Variants in SMG1 observed in about 807,000 individuals in gnomAD.
SMG1 encodes serine/threonine-protein kinase SMG1.
In SMG1, 22 loss-of-function variants were observed where a neutral mutation model predicts 419.9. The observed-to-expected ratio is 0.05, with a 90% CI of 0.04 to 0.07. The LOEUF is 0.07. Among genes scored for constraint, SMG1 ranks in the 10% least tolerant of loss-of-function variants. SMG1 has a pLI of 1.00. For synonymous variants in SMG1, 1,538 were observed against 1,553.5 expected (o/e 0.99, Z 0.23); for missense variants, 3,185 against 4,342.0 (o/e 0.73, Z 7.49).
chr16:18,891,607 T>C (rs1376962834), intron 4 of SMG1, among the ~76,000 whole-genome samples: 1 of 152,128 alleles, frequency 6.6e-6, no homozygotes, highest in East Asian at 1.9e-4. Context: ...GCTAACTTTG[T>C]CTTTTTAGTA....
At chr16:18,898,624 G>GAGTTTGA (rs1430891633) in intron 1 of SMG1, among the ~76,000 whole-genome samples, 35 of 152,138 alleles carry the variant, frequency 2.3e-4, no homozygotes, top group Non-Finnish European at 4.6e-4. Context: ...TTTTCTGACA[G>GAGTTTGA]AGTTTGAACT....
chr16:18,831,465 G>C (rs1425037441), intron 51 of SMG1, among the ~76,000 whole-genome samples: 5 of 152,104 alleles, frequency 3.3e-5, no homozygotes, highest in Admixed American at 3.3e-4. Flanking sequence ...GATATTAAGA[G>C]AGATAAAATG....
Position 18,912,695 on chromosome 16 carries a change from T to C in SMG1, c.92+13255A>G, listed in dbSNP as rs773065938. Among the ~76,000 whole-genome samples, 25 of 152,110 alleles carry C rather than the reference T, an allele frequency of 1.6e-4. 1 individual carries two copies. The highest frequency in any genetic ancestry group is 3.1e-4 in the Non-Finnish European group (21 of 68,020). ...CTATTTGCTATTAAGTGTAAGTTAATTTATAATTTTAGTATTCTCAAAAAA... is the reference window on the plus strand; with the variant it reads ...CTATTTGCTATTAAGTGTAAGTTAACTTATAATTTTAGTATTCTCAAAAAA... On this transcript the variant is annotated intron_variant, in intron 1 of 62. Coordinates refer to ENST00000446231, the MANE Select transcript of SMG1 (RefSeq NM_015092.5).
chr16:18,921,872 T>C (rs578003577), intron 1 of SMG1, among the ~76,000 whole-genome samples: 2 of 152,320 alleles, frequency 1.3e-5, no homozygotes, highest in African/African-American at 4.8e-5. Context: ...TTAATCTGTC[T>C]ACAATCTACC....
rs1291203715 is a variant in SMG1, at chr16:18,809,300, G to GTTCA, written c.*268_*269insTGAA. On this transcript the variant is annotated 3_prime_UTR_variant, in exon 63 of 63. Transcript: ENST00000446231. ...CCCGACACGTCTGCTGCTGTTCTGT[G>GTTCA]GCAGAAAGACAATCTCCGTGTTCAG... is the stretch of plus-strand genomic sequence containing the variant. 8.9e-6 allele frequency: 4 copies of GTTCA among 450,996 alleles called. No individual in the cohort carries two copies. The East Asian group carries it at 1.5e-4, about 17-fold the overall frequency. 27.9% of individuals were successfully genotyped at this position (450,996 alleles called of 1,614,324 possible).
intron 60 of SMG1, among the ~76,000 whole-genome samples, chr16:18,812,836 C>G (rs1331918799): frequency 1.3e-5 from 2 of 152,070 alleles, no homozygotes; most frequent in African/African-American, 4.8e-5. Context: ...CCACCCACAA[C>G]AAGCCCCGGT....
Position 18,879,560 on chromosome 16 carries a change from G to C in SMG1, c.1453C>G (p.Gln485Glu). Residue 485 changes from glutamine (Q) to glutamate (E), a missense_variant, in exon 11 of 63, where the codon CAA (glutamine) becomes GAA (glutamate). Gln to Glu is a conservative substitution (Grantham distance 29). This residue lies in a region of SMG1 where 297 missense variants were observed against 491.0 expected (regional missense o/e 0.60). Transcript: ENST00000446231. The part of the protein sequence containing the change: ...CDMVITYGLD[Q>E]LENCQTCGTD... ...CCACAAGTCTGGCAATTCTCCAGTT[G>C]GTCTAATCCATATGTAATGACCATG... The C allele has an allele frequency of 7.8e-7, 1 of 1,279,622 alleles. No homozygotes were observed. 79.3% of individuals were successfully genotyped at this position (1,279,622 alleles called of 1,614,324 possible).
In SMG1 at chr16:18,853,598, C is replaced by T. The variant is rs377705751; in HGVS notation, c.4753G>A (p.Glu1585Lys). ...NTMEEEYPRI[E>K]SESTVHIGVG... ...GCAACTCTACCTGTAGATTCACTCT[C>T]GATCCGAGGATACTCTTCTTCCATC... Residue 1585 changes from glutamate (E) to lysine (K), a missense_variant, in exon 31 of 63, where the codon GAG becomes AAG. By Grantham distance (56) the Glu-to-Lys change is moderately conservative. Transcript: ENST00000446231. 11 of 1,598,374 alleles carry T rather than the reference C, an allele frequency of 6.9e-6. No individual in the cohort carries two copies. The South Asian group carries it at 1.2e-4, about 18-fold the overall frequency.
At chr16:18,868,094 A>C in intron 22 of SMG1, 96 bp downstream of exon 22, 4 of 867,274 alleles carry the variant, frequency 4.6e-6, no homozygotes, top group South Asian at 4.6e-5. Flanking sequence ...TCCAAGCTTT[A>C]ACTTATTTTA....
At chr16:18,844,076 A>G (rs1378012388) in intron 39 of SMG1, among the ~76,000 whole-genome samples, 1 of 151,556 alleles carries the variant, frequency 6.6e-6, no homozygotes, top group Non-Finnish European at 1.5e-5. Context: ...TCCTCTTCTG[A>G]TTTTCTAATT....
Position 18,854,750 on chromosome 16 carries a change from G to A in SMG1, c.4389C>T (p.Val1463=). 1 of 1,613,862 alleles carries A rather than the reference G, an allele frequency of 6.2e-7. No homozygotes were observed. The highest frequency in any genetic ancestry group is 8.5e-7 in the Non-Finnish European group (1 of 1,179,858). The change falls in exon 30 of 63, where the codon GTC becomes GTT. Residue 1463 remains valine, a synonymous_variant. Coordinates refer to ENST00000446231, the MANE Select transcript of SMG1 (RefSeq NM_015092.5). ...GGGTTGATAGTTTTTTAAAATGTTG[G>A]ACTAAATCCTGTGCAGTGGTGGTCT... ...LGKTTTAQDL[V]QHFKKLSTQG...
At chr16:18,900,741 ACT>A (rs1396358058) in intron 1 of SMG1, among the ~76,000 whole-genome samples, 1 of 152,228 alleles carries the variant, frequency 6.6e-6, no homozygotes, top group Non-Finnish European at 1.5e-5. Flanking sequence ...GTAGGAATGT[ACT>A]TATTCTCTAA....
intron 36 of SMG1, among the ~76,000 whole-genome samples, chr16:18,848,534 G>A (rs1407513193): frequency 6.6e-6 from 1 of 151,888 alleles, no homozygotes; most frequent in African/African-American, 2.4e-5. Flanking sequence ...TCAAACTCCT[G>A]GCCTCAAATG....
intron 55 of SMG1, among the ~76,000 whole-genome samples, chr16:18,821,500 C>T (rs1254079950): frequency 2.6e-4 from 3 of 11,668 alleles, no homozygotes; most frequent in African/African-American, 3.0e-4. Context: ...TGAGAATATG[C>T]GGTGTTTGGT....
intron 1 of SMG1, among the ~76,000 whole-genome samples, chr16:18,903,934 CTT>C (rs71141091): frequency 1.1e-3 from 107 of 99,844 alleles, no homozygotes; most frequent in African/African-American, 3.2e-3. Context: ...TATGTCTTGT[CTT>C]TTTTTTTTTT....
rs536095490 is a variant in SMG1 at position 18,889,723 on chromosome 16, T to A, written c.609-138A>T. 2.3e-5 allele frequency: 15 copies of A among 641,154 alleles called. No homozygotes were observed. The Admixed American group carries it at 2.6e-4, about 11-fold the overall frequency. 39.7% of individuals were successfully genotyped at this position (641,154 alleles called of 1,614,324 possible). On this transcript the variant is annotated intron_variant, in intron 5 of 62. Coordinates refer to ENST00000446231, the MANE Select transcript of SMG1 (RefSeq NM_015092.5). ...ATTCAAACTACATAAAAGGTTGAAA[T>A]TTTCTCCACTCTAAATACTACAGTC...
chr16:18,837,155 G>C (rs1278072893), intron 46 of SMG1, 98 bp downstream of exon 46: 2 of 1,140,380 alleles, frequency 1.8e-6, no homozygotes, highest in Non-Finnish European at 2.4e-6. Context: ...TCATTTATGT[G>C]ATTTGTTACA....
intron 15 of SMG1, among the ~76,000 whole-genome samples, chr16:18,871,848 A>G (rs2035840982): frequency 6.6e-6 from 1 of 151,952 alleles, no homozygotes; most frequent in Non-Finnish European, 1.5e-5. Flanking sequence ...CTGAGGCAGG[A>G]GAATTGCTTG....
intron 38 of SMG1, among the ~76,000 whole-genome samples, chr16:18,846,050 G>C (rs958245554): frequency 6.6e-6 from 1 of 151,940 alleles, no homozygotes; most frequent in Non-Finnish European, 1.5e-5. Flanking sequence ...TCCTGACCTC[G>C]TGATCCGCCC....
Sources: gnomAD v4.1 joint callset for allele counts (sites outside exome capture counted in the v4.1 genomes callset) on GRCh38, gnomAD v4.1.1 for gene constraint, gnomAD v4.1.1 regional missense constraint, MANE v1.5 for transcripts, NCBI Gene and HGNC (gene_info 2026-07-23, HGNC 2026-07-21) for gene names.